IGHMBP2: variants seen among roughly 807,000 people sequenced by gnomAD.
The protein encoded by IGHMBP2 is DNA-binding protein SMUBP-2.
IGHMBP2 carries 81 observed loss-of-function variants against 96.0 expected under a neutral mutation model. The observed-to-expected ratio is 0.84, with a 90% CI of 0.71 to 1.01. The LOEUF (loss-of-function observed/expected upper bound fraction) is 1.01. IGHMBP2 is among the 50% of genes least tolerant of loss of function. The probability of loss-of-function intolerance (pLI) is 0.00; values close to 1 mark genes in which losing one functional copy is unlikely to be tolerated. For missense variants in IGHMBP2, 1,227 were observed against 1,306.3 expected, an observed-to-expected ratio of 0.94 and a Z score of 0.94; for synonymous variants, 557 against 548.9, an observed-to-expected ratio of 1.01 and a Z score of -0.21.
Position 68,939,949 on chromosome 11 carries a change from T to G in IGHMBP2, c.*218T>G, listed in dbSNP as rs1594460557. The G allele has an allele frequency of 3.4e-6, 2 of 590,828 alleles. No homozygotes were observed. The allele number at this position is 590,828 out of a possible 1,614,324, so 36.6% of individuals were successfully genotyped here. On this transcript the variant is annotated 3_prime_UTR_variant, in exon 15 of 15. Transcript: ENST00000255078. ...AGCACCTGGGGGACAACAGTGCTCG[T>G]GCAGGTGGGGCTTGGGAAATGCACG... is the stretch of plus-strand genomic sequence containing the variant.
At chr11:68,919,175 C>T (rs1858782442) in intron 7 of IGHMBP2, among the ~76,000 whole-genome samples, 1 of 149,724 alleles carries the variant, frequency 6.7e-6, no homozygotes, top group Non-Finnish European at 1.5e-5. Context: ...CTCTCCTCTC[C>T]TCTCCCCTCC....
rs1858292397 is a variant in IGHMBP2 at position 68,908,501 on chromosome 11, A to G, written c.450-33A>G. 3 of 1,554,080 alleles carry G rather than the reference A, an allele frequency of 1.9e-6. No homozygotes were observed. In the East Asian group the frequency reaches 6.7e-5, roughly 35 times the overall value. On this transcript the variant is annotated intron_variant, in intron 3 of 14. Coordinates refer to ENST00000255078, the MANE Select transcript of IGHMBP2 (RefSeq NM_002180.3). ...GGCAGAGGCTCGGGCACTGAATTGCAGGTGTTCTAATTTTAGTTTTCTCCC... is the reference window on the plus strand; with the variant it reads ...GGCAGAGGCTCGGGCACTGAATTGCGGGTGTTCTAATTTTAGTTTTCTCCC...
At chr11:68,915,137 C>G in intron 6 of IGHMBP2, 114 bp downstream of exon 6, 1 of 522,748 alleles carries the variant, frequency 1.9e-6, no homozygotes, top group Non-Finnish European at 3.2e-6. Flanking sequence ...TCTGTCGATT[C>G]CTTTAATAAT....
intron 6 of IGHMBP2, among the ~76,000 whole-genome samples, chr11:68,916,663 T>A (rs112222419): frequency 0.015 from 2,298 of 152,054 alleles, 22 homozygotes; most frequent in Non-Finnish European, 0.021. Context: ...GCAGAGAGGG[T>A]GCTGGGAGCC....
chr11:68,908,091 A>ATC lies in IGHMBP2; in HGVS notation c.257-53_257-52insCT, dbSNP rs1858273677. ...AGTATAGTGGATTTTATTACAGAAA[A>ATC]TGATATTGAAGCTTTCCCCAGTGTC... On this transcript the variant is annotated intron_variant, in intron 2 of 14. Coordinates refer to ENST00000255078, the MANE Select transcript of IGHMBP2 (RefSeq NM_002180.3). 9 of 1,365,072 alleles carry ATC rather than the reference A, an allele frequency of 6.6e-6. No homozygotes were observed. The East Asian group carries it at 2.1e-4, about 31-fold the overall frequency. 84.6% of individuals were successfully genotyped at this position (1,365,072 alleles called of 1,614,324 possible).
chr11:68,922,638 C>G, intron 7 of IGHMBP2, among the ~76,000 whole-genome samples: 1 of 152,210 alleles, frequency 6.6e-6, no homozygotes, highest in East Asian at 1.9e-4. Flanking sequence ...TCGTGATCCG[C>G]CTGCCTTGGC....
At chr11:68,925,028 TC>T (rs1267311372) in intron 7 of IGHMBP2, among the ~76,000 whole-genome samples, 1 of 152,150 alleles carries the variant, frequency 6.6e-6, no homozygotes, top group East Asian at 1.9e-4. Context: ...CCAAGACAAT[TC>T]TTCTTCTTTT....
At chr11:68,928,710 C>G (rs1021748836) in intron 7 of IGHMBP2, among the ~76,000 whole-genome samples, 1 of 152,224 alleles carries the variant, frequency 6.6e-6, no homozygotes, top group Non-Finnish European at 1.5e-5. Flanking sequence ...ACGCTGCACT[C>G]TGCTGCTCCG....
chr11:68,911,848 G>A (rs1218350002), intron 5 of IGHMBP2, among the ~76,000 whole-genome samples: 2 of 152,240 alleles, frequency 1.3e-5, no homozygotes, highest in Non-Finnish European at 2.9e-5. Flanking sequence ...TTTGAGGCGT[G>A]GCAGCCTTCG....
intron 7 of IGHMBP2, among the ~76,000 whole-genome samples, chr11:68,920,262 T>C (rs1011944566): frequency 2.0e-5 from 3 of 152,172 alleles, no homozygotes; most frequent in African/African-American, 7.2e-5. Flanking sequence ...TCCCAATCTG[T>C]CACCTAGGCT....
Position 68,936,271 on chromosome 11 carries a change from C to T in IGHMBP2, c.1791C>T (p.Ile597=), listed in dbSNP as rs780440710. The change falls in exon 13 of 15, where the codon ATC becomes ATT. Residue 597 remains isoleucine (I), a synonymous_variant. Transcript: ENST00000255078. Reference sequence around the variant, plus strand: ...GTTTTCTTGCTGAGGACCGGAGGATCAACGTGGCTGTCACCCGTGCCCGAC... The same window carrying T: ...GTTTTCTTGCTGAGGACCGGAGGATTAACGTGGCTGTCACCCGTGCCCGAC... ...EVGFLAEDRR[I]NVAVTRARRH... is the part of the protein sequence containing the mutation. The T allele has an allele frequency of 7.4e-6, 12 of 1,614,058 alleles. No individual in the cohort carries two copies. The highest frequency in any genetic ancestry group is 1.6e-4 in the Middle Eastern group (1 of 6,084).
Position 68,936,388 on chromosome 11 carries a change from A to G in IGHMBP2, c.1908A>G (p.Val636=). The stretch of plus-strand genomic sequence containing the variant: ...AGTATTTCACACAGCATGGGGAAGT[A>G]CGCACGGCCTTTGAGTATCTTGACG... ...LVEYFTQHGE[V]RTAFEYLDDI... is the part of the protein sequence containing the mutation. The change falls in exon 13 of 15, where the codon GTA becomes GTG. Residue 636 remains valine (V), a synonymous_variant. Transcript: ENST00000255078. 1 of 1,614,184 alleles carries G rather than the reference A, an allele frequency of 6.2e-7. No individual in the cohort carries two copies. The highest frequency in any genetic ancestry group is 8.5e-7 in the Non-Finnish European group (1 of 1,180,032).
intron 7 of IGHMBP2, among the ~76,000 whole-genome samples, chr11:68,923,134 T>C (rs971525702): frequency 2.0e-5 from 3 of 152,212 alleles, no homozygotes; most frequent in African/African-American, 7.2e-5. Context: ...ATACCGGACA[T>C]TGAGGATTTT....
intron 7 of IGHMBP2, among the ~76,000 whole-genome samples, chr11:68,922,686 A>T (rs1416102697): frequency 1.3e-5 from 2 of 152,078 alleles, no homozygotes; most frequent in African/African-American, 2.4e-5. Context: ...GAGCCACCGC[A>T]CCCGGCCTCA....
chr11:68,911,771 C>T (rs1195831552), intron 5 of IGHMBP2, among the ~76,000 whole-genome samples, 168 bp downstream of exon 5: 1 of 152,252 alleles, frequency 6.6e-6, no homozygotes. Flanking sequence ...TTCCAGCATC[C>T]CCGTGAGTCT....
rs185807182 is a variant in IGHMBP2 at position 68,909,889 on chromosome 11, C to G, written c.547+1258C>G. Among the ~76,000 whole-genome samples the G allele has an allele frequency of 2.1e-3, 327 of 152,320 alleles. 1 individual carries two copies. The highest frequency in any genetic ancestry group is 0.017 in the Middle Eastern group (5 of 294). ...TCAGGTGATCTACCTGCCTCGGCCT[C>G]CCAAAGTGCTGGGATTACAGGCGTG... On this transcript the variant is annotated intron_variant, in intron 4 of 14. Transcript: ENST00000255078.
chr11:68,903,897 C>A lies in IGHMBP2; in HGVS notation c.-56C>A. The A allele has an allele frequency of 6.2e-7, 1 of 1,606,362 alleles. No homozygotes were observed. Among genetic ancestry groups the A allele is most frequent in the Non-Finnish European group, 8.5e-7 (1 of 1,175,362 alleles). ...CGGGGAACACCGGTCCGCTGTAACA[C>A]CGGCCCGGCGCAGAAGCGGGACGTC... On this transcript the variant is annotated 5_prime_UTR_variant, in exon 1 of 15. Coordinates refer to ENST00000255078, the MANE Select transcript of IGHMBP2 (RefSeq NM_002180.3).
intron 4 of IGHMBP2, among the ~76,000 whole-genome samples, chr11:68,909,733 C>G (rs1005731638): frequency 1.3e-5 from 2 of 150,328 alleles, no homozygotes; most frequent in Non-Finnish European, 3.0e-5. Flanking sequence ...GTTCAAGTGA[C>G]TCTCCTGCCT....
rs1294733303 is a variant in IGHMBP2, at chr11:68,933,847, G to A, written c.1471G>A (p.Val491Met). ...TEETGVPLLL[V>M]DTAGCGLFEL... The stretch of plus-strand genomic sequence containing the variant: ...AGAGACGGGTGTGCCCCTGCTCTTG[G>A]TGGACACCGCCGGCTGCGGGCTGTT... Residue 491 changes from valine (V) to methionine (M), a missense_variant, in exon 10 of 15, where the codon GTG (valine) becomes ATG (methionine). Val to Met is a conservative substitution (Grantham distance 21, BLOSUM62 1). This residue lies in a region of IGHMBP2 where 703 missense variants were observed against 770.3 expected (regional missense o/e 0.91). Transcript: ENST00000255078. The A allele has an allele frequency of 1.2e-6, 2 of 1,610,974 alleles. No individual in the cohort carries two copies. The highest frequency in any genetic ancestry group is 1.1e-5 in the South Asian group (1 of 90,268).
Sources: gnomAD v4.1 joint callset for allele counts (sites outside exome capture counted in the v4.1 genomes callset) on GRCh38, gnomAD v4.1.1 for gene constraint, gnomAD v4.1.1 regional missense constraint, MANE v1.5 for transcripts, NCBI Gene and HGNC (gene_info 2026-07-23, HGNC 2026-07-21) for gene names.